The following ARID1B variants were observed in gnomAD, a reference collection of about 807,000 sequenced individuals.
ARID1B encodes AT-rich interactive domain-containing protein 1B.
In ARID1B, 30 loss-of-function variants were observed where a neutral mutation model predicts 212.3. The ratio of observed to expected loss-of-function variants is 0.14; its 90% CI spans 0.11 to 0.19. ARID1B has a LOEUF of 0.19. Ranked by LOEUF, ARID1B falls within the 10% of genes least tolerant of loss-of-function variation. The pLI, the probability that ARID1B is intolerant of heterozygous loss-of-function variation, is 1.00. For missense variants in ARID1B, 2,891 were observed against 3,204.0 expected (o/e 0.90, Z 2.36); for synonymous variants, 1,402 against 1,301.7 (o/e 1.08, Z -1.66).
chr6:156,851,200 C>G, intron 2 of ARID1B, among the ~76,000 whole-genome samples: 1 of 152,178 alleles, frequency 6.6e-6, no homozygotes, highest in East Asian at 1.9e-4. Flanking sequence ...CAGAGCCCCC[C>G]TGCAAGCACT....
At chr6:156,788,104 C>G (rs1388417558) in intron 1 of ARID1B, among the ~76,000 whole-genome samples, 3 of 152,100 alleles carry the variant, frequency 2.0e-5, no homozygotes, top group East Asian at 1.9e-4. Context: ...CAAGCCCTTG[C>G]TGGCATCAAT....
chr6:156,949,812 T>G (rs1209504830), intron 4 of ARID1B, among the ~76,000 whole-genome samples: 2 of 152,232 alleles, frequency 1.3e-5, no homozygotes, highest in Admixed American at 6.5e-5. Flanking sequence ...ATAAACCTTG[T>G]GTTTTTAAGA....
At chr6:157,045,941 C>T (rs1275312233) in intron 4 of ARID1B, among the ~76,000 whole-genome samples, 1 of 152,050 alleles carries the variant, frequency 6.6e-6, no homozygotes, top group African/African-American at 2.4e-5. Flanking sequence ...TTCTCTAGGA[C>T]CTCAAGGATC....
chr6:156,867,953 A>G (rs1785827320), intron 2 of ARID1B, among the ~76,000 whole-genome samples: 1 of 152,178 alleles, frequency 6.6e-6, no homozygotes, highest in Non-Finnish European at 1.5e-5. Context: ...GCACCTTGTC[A>G]TTGAGCATGG....
intron 4 of ARID1B, among the ~76,000 whole-genome samples, chr6:157,039,202 A>G (rs1308615491): frequency 6.6e-6 from 1 of 152,068 alleles, no homozygotes. Flanking sequence ...ATAAGTTGAA[A>G]CAACAGTGAA....
intron 5 of ARID1B, among the ~76,000 whole-genome samples, chr6:157,085,396 T>C (rs1784902159): frequency 6.6e-6 from 1 of 152,238 alleles, no homozygotes; most frequent in South Asian, 2.1e-4. Flanking sequence ...GAGGCGTTCT[T>C]ACTGATACAA....
In ARID1B at chr6:156,952,090, C is replaced by T. The variant is rs552017932; in HGVS notation, c.2247+16514C>T. On this transcript the variant is annotated intron_variant, in intron 4 of 19. Transcript: ENST00000636930. ...CATAAAACGTGTACCAGGGTGGAAACCCATTTAGTCAGGAAAGAGTTGAAT... is the reference window on the plus strand; with the variant it reads ...CATAAAACGTGTACCAGGGTGGAAATCCATTTAGTCAGGAAAGAGTTGAAT... Among the ~76,000 whole-genome samples the T allele has an allele frequency of 3.0e-4, 45 of 152,188 alleles. No homozygotes were observed. The South Asian group carries it at 9.4e-3, about 32-fold the overall frequency.
chr6:156,813,116 T>TA (rs1781724147), intron 1 of ARID1B, among the ~76,000 whole-genome samples: 1 of 142,794 alleles, frequency 7.0e-6, no homozygotes, highest in African/African-American at 2.5e-5. Context: ...ATATTTTTTT[T>TA]TTTTTTGAGA....
chr6:157,006,505 T>G (rs1487904996), intron 4 of ARID1B, among the ~76,000 whole-genome samples: 1 of 152,258 alleles, frequency 6.6e-6, no homozygotes. Flanking sequence ...CAGCCATCAT[T>G]TGCATATGCC....
At chr6:157,155,126 C>T (rs75713202) in intron 8 of ARID1B, among the ~76,000 whole-genome samples, 9,894 of 152,168 alleles carry the variant, frequency 0.065, 345 homozygotes, top group African/African-American at 0.085. Flanking sequence ...GTAGACTCCA[C>T]GTGCAGCTCA....
chr6:157,117,596 A>G (rs534519626), intron 6 of ARID1B, among the ~76,000 whole-genome samples: 70 of 152,326 alleles, frequency 4.6e-4, no homozygotes, highest in Non-Finnish European at 7.1e-4. Context: ...ATCCCCTGCC[A>G]GGGACCCCCA....
intron 11 of ARID1B, among the ~76,000 whole-genome samples, chr6:157,179,471 T>C (rs988019198): frequency 2.3e-4 from 35 of 152,176 alleles, no homozygotes; most frequent in African/African-American, 7.2e-4. Context: ...TTTATAGACA[T>C]ATATATATTC....
At chr6:157,052,456 C>A (rs1370729888) in intron 4 of ARID1B, among the ~76,000 whole-genome samples, 1 of 152,196 alleles carries the variant, frequency 6.6e-6, no homozygotes, top group Non-Finnish European at 1.5e-5. Context: ...TAATTGGCAC[C>A]TTTATTTGCA....
chr6:156,963,208 A>G (rs1794518472), intron 4 of ARID1B, among the ~76,000 whole-genome samples: 1 of 152,222 alleles, frequency 6.6e-6, no homozygotes, highest in African/African-American at 2.4e-5. Flanking sequence ...TTTTTGCATC[A>G]AGTAATGAAT....
In ARID1B at chr6:157,057,167, T is replaced by C. The variant is rs573909507; in HGVS notation, c.2248-27495T>C. On this transcript the variant is annotated intron_variant, in intron 4 of 19. Transcript: ENST00000636930. ...GCGTGCCACCATGCCTGGCTCATTT[T>C]TTCTATTTTTATTAGAGATGGGTTT... is the stretch of plus-strand genomic sequence containing the variant. Among the ~76,000 whole-genome samples, 11 of 152,194 alleles carry C rather than the reference T, an allele frequency of 7.2e-5. No homozygotes were observed. In the South Asian group the frequency reaches 2.3e-3, roughly 32 times the overall value.
chr6:157,089,840 A>G (rs1478458570), intron 5 of ARID1B, among the ~76,000 whole-genome samples: 2 of 152,198 alleles, frequency 1.3e-5, no homozygotes, highest in Non-Finnish European at 2.9e-5. Context: ...AATGTGTGAT[A>G]TTAGACATGA....
At chr6:156,946,607 A>T (rs1793171986) in intron 4 of ARID1B, among the ~76,000 whole-genome samples, 1 of 151,734 alleles carries the variant, frequency 6.6e-6, no homozygotes, top group African/African-American at 2.4e-5. Flanking sequence ...ATGACCCTGG[A>T]GCAGGGACAC....
intron 14 of ARID1B, 57 bp downstream of exon 14, chr6:157,189,837 T>C (rs557140713): frequency 1.2e-6 from 2 of 1,608,680 alleles, no homozygotes; most frequent in Non-Finnish European, 1.7e-6. Flanking sequence ...TCTTTTAGTT[T>C]TCTGGGGCAA....
chr6:156,791,662 G>A (rs1027646114), intron 1 of ARID1B, among the ~76,000 whole-genome samples: 7 of 152,166 alleles, frequency 4.6e-5, no homozygotes, highest in Non-Finnish European at 1.0e-4. Context: ...GGATTCAAAC[G>A]GAACACGGAC....
Sources: allele counts gnomAD v4.1 joint callset (sites outside exome capture counted in the v4.1 genomes callset), GRCh38; gene constraint gnomAD v4.1.1; transcripts MANE v1.5; gene names NCBI Gene and HGNC (gene_info 2026-07-23, HGNC 2026-07-21).